SNX29: variants seen among roughly 807,000 people sequenced by gnomAD.
SNX29 encodes the protein sorting nexin-29.
SNX29 carries 78 observed loss-of-function variants against 102.1 expected under a neutral mutation model. The ratio of observed to expected loss-of-function variants is 0.76; its 90% CI spans 0.64 to 0.92. SNX29 has a LOEUF of 0.92. Ranked by LOEUF, SNX29 falls within the 40% of genes least tolerant of loss-of-function variation. The probability of loss-of-function intolerance (pLI) is 0.00; values close to 1 mark genes in which losing one functional copy is unlikely to be tolerated. For synonymous variants in SNX29, 580 were observed against 414.5 expected (o/e 1.40, Z -4.85); for missense variants, 1,280 against 1,061.7 (o/e 1.21, Z -2.86).
At chr16:12,190,522 A>G (rs1342831808) in intron 13 of SNX29, among the ~76,000 whole-genome samples, 1 of 152,000 alleles carries the variant, frequency 6.6e-6, no homozygotes, top group Non-Finnish European at 1.5e-5. Flanking sequence ...GACTTCAGAG[A>G]GAAGAGGGCC....
chr16:12,555,641 C>G (rs1032183415), intron 20 of SNX29, among the ~76,000 whole-genome samples: 7 of 152,118 alleles, frequency 4.6e-5, no homozygotes, highest in African/African-American at 1.4e-4. Context: ...AGTAACCCCA[C>G]TGATGCCAGA....
At chr16:12,471,768 A>G (rs999388583) in intron 18 of SNX29, among the ~76,000 whole-genome samples, 2 of 152,252 alleles carry the variant, frequency 1.3e-5, no homozygotes, top group African/African-American at 4.8e-5. Context: ...TTTATGGTTC[A>G]ATTAATTTTA....
intron 14 of SNX29, among the ~76,000 whole-genome samples, chr16:12,245,987 G>C (rs1567352749): frequency 6.6e-6 from 1 of 152,178 alleles, no homozygotes; most frequent in South Asian, 2.1e-4. Context: ...TAATGAGTAG[G>C]TTTTTGAACA....
intron 20 of SNX29, among the ~76,000 whole-genome samples, chr16:12,558,331 A>G (rs1401852033): frequency 4.0e-5 from 6 of 149,784 alleles, no homozygotes; most frequent in Admixed American, 6.7e-5. Flanking sequence ...CTATCAACAA[A>G]GAGACAAAGA....
At chr16:12,523,484 A>C (rs574709987) in intron 19 of SNX29, among the ~76,000 whole-genome samples, 14 of 152,330 alleles carry the variant, frequency 9.2e-5, no homozygotes, top group Middle Eastern at 3.4e-3. Flanking sequence ...CTCACTGCCC[A>C]GGGTGTCTTT....
At chr16:11,999,959 G>A (rs1011055978) in intron 2 of SNX29, among the ~76,000 whole-genome samples, 2 of 151,814 alleles carry the variant, frequency 1.3e-5, no homozygotes, top group Non-Finnish European at 1.5e-5. Flanking sequence ...TCATTTCCAA[G>A]CAGTTGTGTT....
At chr16:12,462,048 T>TACACAC (rs1567588303) in intron 18 of SNX29, among the ~76,000 whole-genome samples, 9 of 116,150 alleles carry the variant, frequency 7.7e-5, no homozygotes, top group African/African-American at 3.2e-4. Flanking sequence ...CACACACTCT[T>TACACAC]ATATATGAGA....
At chr16:12,056,532 C>T (rs1447149790) in intron 8 of SNX29, among the ~76,000 whole-genome samples, 1 of 152,162 alleles carries the variant, frequency 6.6e-6, no homozygotes, top group African/African-American at 2.4e-5. Context: ...TGGTGCACAG[C>T]AGATGTGTGA....
At position 12,098,365 on chromosome 16, in the gene SNX29, C is replaced by T. The variant is rs1361094381; in HGVS notation, c.1402+19450C>T. ...CTCCCACATCAGCCACCTTGCTCCC[C>T]GTCCAGGACTCTAACCATTGGAGTT... On this transcript the variant is annotated intron_variant, in intron 11 of 20. Coordinates refer to ENST00000566228, the MANE Select transcript of SNX29 (RefSeq NM_032167.5). The surrounding 1 kb of genome is among the most constrained non-coding windows in gnomAD (Gnocchi z 6.0). Among the ~76,000 whole-genome samples the T allele has an allele frequency of 2.0e-5, 3 of 152,322 alleles. No individual in the cohort carries two copies. Among genetic ancestry groups the T allele is most frequent in the African/African-American group, 7.2e-5 (3 of 41,566 alleles).
chr16:12,025,416 G>A (rs1050534169), intron 3 of SNX29, among the ~76,000 whole-genome samples: 5 of 152,044 alleles, frequency 3.3e-5, no homozygotes, highest in Non-Finnish European at 5.9e-5. Flanking sequence ...ATGTGGGGGA[G>A]TATTCTGGGA....
chr16:12,153,404 C>T (rs72784677), intron 13 of SNX29, among the ~76,000 whole-genome samples: 6,086 of 152,034 alleles, frequency 0.04, 168 homozygotes, highest in Middle Eastern at 0.061. Flanking sequence ...CTGGAGGCCC[C>T]TGGGGAGATC....
chr16:12,290,611 T>G (rs866984763), intron 15 of SNX29, among the ~76,000 whole-genome samples: 8 of 152,210 alleles, frequency 5.3e-5, no homozygotes, highest in African/African-American at 1.9e-4. Flanking sequence ...ATAAAAAAAC[T>G]TGGCTCAAGC....
chr16:12,338,820 G>A (rs1287978938), intron 15 of SNX29, among the ~76,000 whole-genome samples: 3 of 152,238 alleles, frequency 2.0e-5, no homozygotes, highest in South Asian at 2.1e-4. Flanking sequence ...TGTGGGAGGC[G>A]CTTGTGGAAT....
At chr16:11,987,155 C>T (rs1331918159) in intron 1 of SNX29, among the ~76,000 whole-genome samples, 1 of 151,142 alleles carries the variant, frequency 6.6e-6, no homozygotes, top group Non-Finnish European at 1.5e-5. Flanking sequence ...GCCTCAACCT[C>T]CTGGGCTCAA....
intron 16 of SNX29, among the ~76,000 whole-genome samples, chr16:12,364,161 T>TATGTTATGTTATGTTATGTTA (rs376565121): frequency 1.0e-4 from 14 of 138,476 alleles, no homozygotes; most frequent in Admixed American, 2.9e-4. Flanking sequence ...CCTGGCTTGT[T>TATGTTATGTTATGTTATGTTA]TGTTATGTTA....
chr16:12,196,232 G>C (rs2076770071), intron 13 of SNX29, among the ~76,000 whole-genome samples: 1 of 151,950 alleles, frequency 6.6e-6, no homozygotes, highest in East Asian at 1.9e-4. Context: ...AGCCTCCCCA[G>C]GTGGGTAGCA....
rs1042247637 is a variant in SNX29 at position 12,430,938 on chromosome 16, T to G, written c.2037+27409T>G. Among the ~76,000 whole-genome samples, 29 of 151,458 alleles carry G rather than the reference T, an allele frequency of 1.9e-4. 1 individual carries two copies. Among genetic ancestry groups the G allele is most frequent in the African/African-American group, 6.6e-4 (27 of 41,186 alleles). Reference sequence around the variant, plus strand: ...CACAATCTCTGCTCACTGCAACCTCTGCCTCCTGGGTTCAAATGATTCTCC... The same window carrying G: ...CACAATCTCTGCTCACTGCAACCTCGGCCTCCTGGGTTCAAATGATTCTCC... On this transcript the variant is annotated intron_variant, in intron 18 of 20. Transcript: ENST00000566228.
chr16:12,177,989 T>C (rs1439932128), intron 13 of SNX29, among the ~76,000 whole-genome samples: 1 of 152,254 alleles, frequency 6.6e-6, no homozygotes, highest in African/African-American at 2.4e-5. Flanking sequence ...GATGGTTAGC[T>C]GGCTAGTGAT....
chr16:12,465,353 A>T (rs913084598), intron 18 of SNX29, among the ~76,000 whole-genome samples: 1 of 152,206 alleles, frequency 6.6e-6, no homozygotes, highest in Non-Finnish European at 1.5e-5. Context: ...CAGATCTTAC[A>T]CTTAAGTCTT....
Sources: allele counts gnomAD v4.1 joint callset (sites outside exome capture counted in the v4.1 genomes callset), GRCh38; gene constraint gnomAD v4.1.1; non-coding constraint Gnocchi (gnomAD v3.1); transcripts MANE v1.5; gene names NCBI Gene and HGNC (gene_info 2026-07-23, HGNC 2026-07-21).